CCDC57: variants seen among roughly 807,000 people sequenced by gnomAD.
The protein encoded by CCDC57 is coiled-coil domain containing 57, also known as coiled-coil domain-containing protein 57.
In CCDC57, 118 loss-of-function variants were observed where a neutral mutation model predicts 118.9. That is an observed-to-expected ratio of 0.99 (90% CI 0.86 to 1.16). The LOEUF (loss-of-function observed/expected upper bound fraction) is 1.16. Ranked by LOEUF, CCDC57 falls within the 50% of genes most tolerant of loss-of-function variation. The pLI, the probability that CCDC57 is intolerant of heterozygous loss-of-function variation, is 0.00. For missense variants in CCDC57, 1,300 were observed against 1,320.7 expected (o/e 0.98, Z 0.24); for synonymous variants, 527 against 532.9 (o/e 0.99, Z 0.15).
intron 13 of CCDC57, among the ~76,000 whole-genome samples, chr17:82,171,224 G>A (rs1314063335): frequency 7.0e-6 from 1 of 142,950 alleles, no homozygotes; most frequent in Non-Finnish European, 1.5e-5. Context: ...GAGGAGCCAG[G>A]GCACGTGGGC....
exon 20 of CCDC57, chr17:82,101,844 G>A (rs377396515): frequency 1.0e-5 from 16 of 1,577,806 alleles, no homozygotes; most frequent in African/African-American, 6.9e-5. Context: ...GCCTCCTGTC[G>A]GCTGCTGGAG....
At chr17:82,187,776 G>A (rs1382004480) in intron 8 of CCDC57, among the ~76,000 whole-genome samples, 1 of 113,436 alleles carries the variant, frequency 8.8e-6, no homozygotes, top group African/African-American at 3.4e-5. Flanking sequence ...CAGGAGTGGG[G>A]CAGGGAGTTG....
exon 7 of CCDC57, chr17:82,193,830 C>T: frequency 6.3e-7 from 1 of 1,591,970 alleles, no homozygotes; most frequent in African/African-American, 1.3e-5. Context: ...AATCCTTTAC[C>T]CTGAAAAGAA....
intron 16 of CCDC57, among the ~76,000 whole-genome samples, chr17:82,140,028 T>G (rs183320893): frequency 6.6e-6 from 1 of 152,348 alleles, no homozygotes; most frequent in Non-Finnish European, 1.5e-5. Context: ...TCCACACAAA[T>G]TTTGTAGTCT....
intron 19 of CCDC57, among the ~76,000 whole-genome samples, chr17:82,121,267 C>A (rs912104720): frequency 3.9e-5 from 6 of 152,168 alleles, no homozygotes; most frequent in Non-Finnish European, 8.8e-5. Context: ...CCTGTCTCAG[C>A]CTAGGGAGGC....
At chr17:82,159,391 C>T (rs1033851400) in intron 14 of CCDC57, among the ~76,000 whole-genome samples, 1 of 152,212 alleles carries the variant, frequency 6.6e-6, no homozygotes, top group Non-Finnish European at 1.5e-5. Context: ...GATCTGGAGC[C>T]CCTTCACGGG....
At chr17:82,193,993 C>T in exon 6 of CCDC57, 1 of 1,611,044 alleles carries the variant, frequency 6.2e-7, no homozygotes, top group South Asian at 1.1e-5. Flanking sequence ...GGGCGCGGCT[C>T]ATGGCCTCCA....
chr17:82,188,706 G>A (rs2047287103), intron 7 of CCDC57, among the ~76,000 whole-genome samples: 1 of 152,230 alleles, frequency 6.6e-6, no homozygotes, highest in Non-Finnish European at 1.5e-5. Flanking sequence ...CGATCAACCT[G>A]CGAAAGGAGG....
At chr17:82,114,113 A>ATT (rs2035537467) in intron 19 of CCDC57, among the ~76,000 whole-genome samples, 1 of 152,170 alleles carries the variant, frequency 6.6e-6, no homozygotes, top group South Asian at 2.1e-4. Context: ...GACGCCACAG[A>ATT]TGGAAGAGTG....
chr17:82,113,523 C>T (rs981184989), intron 19 of CCDC57: 71 of 717,444 alleles, frequency 9.9e-5, no homozygotes, highest in Admixed American at 7.0e-4. Context: ...CAGTGAGGCC[C>T]GCGCTGCATG....
At chr17:82,189,630 G>A (rs956509243) in intron 7 of CCDC57, among the ~76,000 whole-genome samples, 4 of 152,124 alleles carry the variant, frequency 2.6e-5, no homozygotes, top group Admixed American at 1.3e-4. Context: ...AGGGTGGATC[G>A]CTTGAGGTCA....
At chr17:82,205,220 G>C (rs1232147786) in intron 2 of CCDC57, among the ~76,000 whole-genome samples, 3 of 152,220 alleles carry the variant, frequency 2.0e-5, no homozygotes, top group African/African-American at 7.2e-5. Context: ...GTGCCCGTGA[G>C]TCATGACAAC....
At chr17:82,200,009 G>C (rs1246751804) in intron 3 of CCDC57, among the ~76,000 whole-genome samples, 1 of 152,244 alleles carries the variant, frequency 6.6e-6, no homozygotes, top group Non-Finnish European at 1.5e-5. Context: ...AGGGACTGCA[G>C]ACGCGATCCC....
chr17:82,211,421 T>C (rs1427550620), intron 1 of CCDC57, among the ~76,000 whole-genome samples: 3 of 152,190 alleles, frequency 2.0e-5, no homozygotes, highest in Non-Finnish European at 4.4e-5. Context: ...GATACCAACA[T>C]GAACGCCAGC....
rs546761432 is a variant in CCDC57 at position 82,157,900 on chromosome 17, G to A, written c.2089C>T (p.Arg697Cys). The A allele has an allele frequency of 1.4e-4, 217 of 1,567,894 alleles. No homozygotes were observed. The African/African-American group carries it at 2.2e-3, about 16-fold the overall frequency. ...TCCAGGTGTACCTGGTCCACCTCAC[G>A]GGGAAGCTCACGCTGGAGAGCGGCC... is the stretch of plus-strand genomic sequence containing the variant. The change falls in exon 15 of 20, where the codon CGT becomes TGT. Residue 697 changes from arginine (R) to cysteine (C), a missense_variant. Arg to Cys is a radical substitution (Grantham distance 180). Transcript: ENST00000665763.
At chr17:82,148,344 GATAGGT>G (rs2041208077) in intron 16 of CCDC57, among the ~76,000 whole-genome samples, 1 of 27,548 alleles carries the variant, frequency 3.6e-5, no homozygotes, top group Non-Finnish European at 6.6e-5. Flanking sequence ...TGGATGGATG[GATAGGT>G]GGGTGGATGG....
At chr17:82,109,583 C>T (rs866227174) in intron 19 of CCDC57, among the ~76,000 whole-genome samples, 6 of 152,120 alleles carry the variant, frequency 3.9e-5, no homozygotes, top group African/African-American at 7.2e-5. Flanking sequence ...TCCGGCCAGG[C>T]GCGGTGGCTC....
At chr17:82,165,269 A>G (rs2043836756) in intron 13 of CCDC57, among the ~76,000 whole-genome samples, 1 of 152,212 alleles carries the variant, frequency 6.6e-6, no homozygotes, top group African/African-American at 2.4e-5. Flanking sequence ...GTTTAACCCG[A>G]CGGAGCCCCT....
At chr17:82,130,499 CTTTT>C (rs35413191) in intron 17 of CCDC57, among the ~76,000 whole-genome samples, 1 of 88,946 alleles carries the variant, frequency 1.1e-5, no homozygotes, top group Non-Finnish European at 2.1e-5. Context: ...CCAGACAAAA[CTTTT>C]TTTTTTTTTT....
Sources: allele counts gnomAD v4.1 joint callset (sites outside exome capture counted in the v4.1 genomes callset), GRCh38; gene constraint gnomAD v4.1.1; transcripts MANE v1.5; gene names NCBI Gene and HGNC (gene_info 2026-07-23, HGNC 2026-07-21).